CNBD1: variants seen among roughly 807,000 people sequenced by gnomAD.
The protein encoded by CNBD1 is cyclic nucleotide binding domain containing 1.
CNBD1 carries 71 observed loss-of-function variants against 54.4 expected under a neutral mutation model. The observed-to-expected ratio is 1.30, with a 90% CI of 1.08 to 1.59. CNBD1 has a LOEUF of 1.59. Ranked by LOEUF, CNBD1 falls within the 40% of genes most tolerant of loss-of-function variation. The probability of loss-of-function intolerance (pLI) is 0.00; values close to 1 mark genes in which losing one functional copy is unlikely to be tolerated. For synonymous variants in CNBD1, 182 were observed against 170.7 expected (o/e 1.07, Z -0.51); for missense variants, 659 against 518.0 (o/e 1.27, Z -2.64).
At chr8:86,879,867 G>A (rs559112457) in intron 1 of CNBD1, among the ~76,000 whole-genome samples, 48 of 79,932 alleles carry the variant, frequency 6.0e-4, no homozygotes, top group African/African-American at 2.1e-3. Context: ...GCGAGAGTCC[G>A]TCAAAAAAAA....
intron 3 of CNBD1, among the ~76,000 whole-genome samples, chr8:86,918,216 T>G (rs965952494): frequency 2.0e-5 from 3 of 152,094 alleles, no homozygotes; most frequent in African/African-American, 4.8e-5. Flanking sequence ...TTAGCACGGA[T>G]TCTGTCATGA....
chr8:87,285,531 A>T (rs1057019172), intron 7 of CNBD1, among the ~76,000 whole-genome samples: 1 of 152,056 alleles, frequency 6.6e-6, no homozygotes, highest in Non-Finnish European at 1.5e-5. Flanking sequence ...TGAGGTGGGG[A>T]GTTCGAGCCA....
intron 4 of CNBD1, among the ~76,000 whole-genome samples, chr8:87,017,910 A>C (rs1165350530): frequency 6.6e-6 from 1 of 152,206 alleles, no homozygotes; most frequent in Non-Finnish European, 1.5e-5. Flanking sequence ...CTGAAACTAA[A>C]ATAACCTATT....
chr8:87,148,250 C>G (rs1392539205), intron 4 of CNBD1, among the ~76,000 whole-genome samples: 2 of 152,086 alleles, frequency 1.3e-5, no homozygotes, highest in Admixed American at 6.6e-5. Context: ...TTGGTTTCAT[C>G]TTAGGTAGTA....
At chr8:87,363,567 TC>T (rs1810568568) in intron 10 of CNBD1, among the ~76,000 whole-genome samples, 1 of 152,192 alleles carries the variant, frequency 6.6e-6, no homozygotes, top group Non-Finnish European at 1.5e-5. Context: ...TGAGATGGTA[TC>T]TCATTGTGGT....
intron 4 of CNBD1, among the ~76,000 whole-genome samples, chr8:87,030,611 TAGAC>T (rs1329106334): frequency 2.6e-5 from 4 of 152,162 alleles, no homozygotes; most frequent in Admixed American, 6.5e-5. Context: ...AAATTAAAAA[TAGAC>T]AGTGTATTTT....
At chr8:87,072,224 T>TGTAAGTATGC (rs1810773420) in intron 4 of CNBD1, among the ~76,000 whole-genome samples, 1 of 152,134 alleles carries the variant, frequency 6.6e-6, no homozygotes, top group African/African-American at 2.4e-5. Flanking sequence ...GATGTGTCCC[T>TGTAAGTATGC]TGAAGACAGC....
At chr8:86,921,770 A>C (rs927617185) in intron 3 of CNBD1, among the ~76,000 whole-genome samples, 2 of 152,170 alleles carry the variant, frequency 1.3e-5, no homozygotes, top group Non-Finnish European at 2.9e-5. Flanking sequence ...ATTCAAGATG[A>C]GAGTTGGGTG....
Position 87,163,498 on chromosome 8 carries a change from A to C in CNBD1, c.432-42495A>C, listed in dbSNP as rs181109393. ...TTGTGTCTTCTTCAATTTCCTATTC[A>C]ATGTGTACAGTTTTCTTACCTCCTT... On this transcript the variant is annotated intron_variant, in intron 4 of 10. Transcript: ENST00000518476. The surrounding 1 kb of genome is among the most constrained non-coding windows in gnomAD (Gnocchi z 4.5). Among the ~76,000 whole-genome samples, 5 of 152,082 alleles carry C rather than the reference A, an allele frequency of 3.3e-5. No individual in the cohort carries two copies. Among genetic ancestry groups the C allele is most frequent in the Non-Finnish European group, 7.4e-5 (5 of 67,920 alleles).
intron 3 of CNBD1, among the ~76,000 whole-genome samples, chr8:86,910,057 C>A (rs56406508): frequency 7.2e-5 from 11 of 151,878 alleles, no homozygotes; most frequent in African/African-American, 2.7e-4. Flanking sequence ...AATTTAAGCA[C>A]GATTTGTCTT....
At chr8:86,878,119 A>AGG (rs1808552421) in intron 1 of CNBD1, among the ~76,000 whole-genome samples, 2 of 148,288 alleles carry the variant, frequency 1.3e-5, no homozygotes, top group African/African-American at 5.1e-5. Flanking sequence ...AGAGAGAGAG[A>AGG]GAGAGAGAGA....
intron 10 of CNBD1, among the ~76,000 whole-genome samples, chr8:87,378,965 T>C (rs1162764571): frequency 6.7e-6 from 1 of 149,456 alleles, no homozygotes; most frequent in East Asian, 1.9e-4. Flanking sequence ...TGTCTGTTGT[T>C]GGTGTATAGG....
chr8:87,343,115 C>A (rs779183235), intron 8 of CNBD1, among the ~76,000 whole-genome samples: 10 of 152,174 alleles, frequency 6.6e-5, no homozygotes, highest in Non-Finnish European at 1.3e-4. Context: ...CTCCTACTTG[C>A]TTTCTGCAAG....
intron 5 of CNBD1, among the ~76,000 whole-genome samples, chr8:87,206,899 C>T (rs1563507621): frequency 1.3e-5 from 2 of 152,166 alleles, no homozygotes; most frequent in African/African-American, 4.8e-5. Context: ...GTTTCAAACA[C>T]ACTTCAGCCT....
chr8:87,404,462 C>T (rs1807620620), intron 2 of CNBD1, among the ~76,000 whole-genome samples: 1 of 152,048 alleles, frequency 6.6e-6, no homozygotes, highest in African/African-American at 2.4e-5. Flanking sequence ...CTGAACTTTC[C>T]CTCCACTTTT....
At chr8:86,883,733 G>T (rs1808637290) in intron 1 of CNBD1, among the ~76,000 whole-genome samples, 3 of 152,186 alleles carry the variant, frequency 2.0e-5, no homozygotes, top group Admixed American at 6.5e-5. Flanking sequence ...AAAATATGAA[G>T]AAGATTAATT....
Position 87,175,674 on chromosome 8 carries a change from A to G in CNBD1, c.432-30319A>G, listed in dbSNP as rs1233994413. 2.6e-5 allele frequency among the ~76,000 whole-genome samples: 4 copies of G among 152,144 alleles called. No homozygotes were observed. The East Asian group carries it at 7.7e-4, about 29-fold the overall frequency. On this transcript the variant is annotated intron_variant, in intron 4 of 10. Transcript: ENST00000518476. ...GGAAGGGGTCTCTTTTGGAGCCATCAGTTGTATTGCCTGGGGTTGGCCATA... is the reference window on the plus strand; with the variant it reads ...GGAAGGGGTCTCTTTTGGAGCCATCGGTTGTATTGCCTGGGGTTGGCCATA...
intron 2 of CNBD1, among the ~76,000 whole-genome samples, chr8:87,419,330 G>A (rs1309567804): frequency 6.6e-6 from 1 of 151,754 alleles, no homozygotes; most frequent in East Asian, 1.9e-4. Flanking sequence ...AGTGATAATA[G>A]GTACAGTATT....
At chr8:87,351,024 C>T in intron 8 of CNBD1, among the ~76,000 whole-genome samples, 1 of 152,006 alleles carries the variant, frequency 6.6e-6, no homozygotes, top group East Asian at 1.9e-4. Flanking sequence ...ATACTGTGTA[C>T]CAGGCAACAT....
Sources: gnomAD v4.1 joint callset for allele counts (sites outside exome capture counted in the v4.1 genomes callset) on GRCh38, gnomAD v4.1.1 for gene constraint, Gnocchi (gnomAD v3.1) non-coding constraint, MANE v1.5 for transcripts, NCBI Gene and HGNC (gene_info 2026-07-23, HGNC 2026-07-21) for gene names.